WDR70: variants seen among roughly 807,000 people sequenced by gnomAD.
WDR70 encodes WD repeat-containing protein 70.
In WDR70, 53 loss-of-function variants were observed where a neutral mutation model predicts 88.6. That is an observed-to-expected ratio of 0.60 (90% confidence interval 0.48 to 0.75). The LOEUF (loss-of-function observed/expected upper bound fraction) is 0.75, where lower values mean the gene tolerates loss of function less well. Ranked by LOEUF, WDR70 falls within the 30% of genes least tolerant of loss-of-function variation. The probability of loss-of-function intolerance (pLI) is 0.00; values close to 1 mark genes in which losing one functional copy is unlikely to be tolerated. For synonymous variants in WDR70, 280 were observed against 270.0 expected, an observed-to-expected ratio of 1.04 and a Z score of -0.36; for missense variants, 610 against 823.2, an observed-to-expected ratio of 0.74 and a Z score of 3.17.
At chr5:37,556,347 G>C (rs1034083259) in intron 9 of WDR70, among the ~76,000 whole-genome samples, 1 of 151,982 alleles carries the variant, frequency 6.6e-6, no homozygotes, top group Admixed American at 6.6e-5. Flanking sequence ...AGACTAGCAA[G>C]TCCCTTAACT....
At chr5:37,647,020 CT>C (rs1745259326) in intron 10 of WDR70, among the ~76,000 whole-genome samples, 2 of 152,070 alleles carry the variant, frequency 1.3e-5, no homozygotes, top group South Asian at 4.1e-4. Flanking sequence ...CCTTTTGAGG[CT>C]GTTTTCTAGA....
intron 10 of WDR70, among the ~76,000 whole-genome samples, chr5:37,619,390 T>C (rs1744441113): frequency 6.6e-6 from 1 of 152,158 alleles, no homozygotes; most frequent in South Asian, 2.1e-4. Context: ...GACTATAGTC[T>C]CTAAAAAGCC....
Position 37,681,329 on chromosome 5 carries a change from C to T in WDR70, c.1093-16326C>T, listed in dbSNP as rs551877409. On this transcript the variant is annotated intron_variant, in intron 10 of 17. Transcript: ENST00000265107. ...TTTATTAGGTTAAGGAGCTTTTGGG[C>T]TGAGACTGTGAGGTTTTCTAGATAT... Among the ~76,000 whole-genome samples, 6 of 152,244 alleles carry T rather than the reference C, an allele frequency of 3.9e-5. No individual in the cohort carries two copies. In the South Asian group the frequency reaches 8.3e-4, roughly 21 times the overall value.
chr5:37,430,680 G>A (rs1750275365), intron 5 of WDR70, among the ~76,000 whole-genome samples: 1 of 151,484 alleles, frequency 6.6e-6, no homozygotes, highest in African/African-American at 2.4e-5. Flanking sequence ...CCCACCTCAG[G>A]CTCCCAAGTA....
intron 5 of WDR70, among the ~76,000 whole-genome samples, chr5:37,411,579 AT>A (rs1749527236): frequency 6.6e-6 from 1 of 152,182 alleles, no homozygotes; most frequent in Non-Finnish European, 1.5e-5. Flanking sequence ...TACAAAAATT[AT>A]CCGGGTGTGT....
intron 8 of WDR70, 56 bp downstream of exon 8, chr5:37,480,043 C>G: frequency 6.5e-7 from 1 of 1,546,280 alleles, no homozygotes; most frequent in East Asian, 2.3e-5. Context: ...TTATTAACAA[C>G]TATTTGAGTT....
intron 10 of WDR70, among the ~76,000 whole-genome samples, chr5:37,652,343 C>A (rs909160088): frequency 4.6e-5 from 7 of 152,196 alleles, no homozygotes; most frequent in Non-Finnish European, 8.8e-5. Flanking sequence ...TTACTGTAGT[C>A]TTGTAGTGTA....
At chr5:37,511,910 A>G (rs1450254630) in intron 8 of WDR70, among the ~76,000 whole-genome samples, 6 of 152,250 alleles carry the variant, frequency 3.9e-5, no homozygotes, top group African/African-American at 1.4e-4. Flanking sequence ...TTAGAATTCA[A>G]TATTTATTTA....
At chr5:37,589,919 A>G (rs1743482025) in intron 9 of WDR70, among the ~76,000 whole-genome samples, 1 of 152,148 alleles carries the variant, frequency 6.6e-6, no homozygotes, top group Admixed American at 6.5e-5. Context: ...GCTTGATTTA[A>G]TGAAATAAAA....
intron 9 of WDR70, among the ~76,000 whole-genome samples, chr5:37,590,747 G>A (rs1743509272): frequency 6.6e-6 from 1 of 151,994 alleles, no homozygotes; most frequent in African/African-American, 2.4e-5. Flanking sequence ...AGGCTACGAG[G>A]GATTCTACCC....
At chr5:37,630,527 C>T (rs952711439) in intron 10 of WDR70, among the ~76,000 whole-genome samples, 3 of 152,104 alleles carry the variant, frequency 2.0e-5, no homozygotes, top group Non-Finnish European at 4.4e-5. Flanking sequence ...TTGTAGGCCT[C>T]TCCCACCTGG....
intron 6 of WDR70, among the ~76,000 whole-genome samples, chr5:37,440,679 C>T (rs921343871): frequency 5.9e-5 from 9 of 152,118 alleles, no homozygotes; most frequent in African/African-American, 2.2e-4. Context: ...TAATTACCTC[C>T]TTCATATCGT....
intron 5 of WDR70, among the ~76,000 whole-genome samples, chr5:37,432,676 A>ATGAGCCACCGCGCCCGGCCTT (rs1372174789): frequency 6.6e-6 from 1 of 150,888 alleles, no homozygotes; most frequent in Non-Finnish European, 1.5e-5. Context: ...GATTACAGGC[A>ATGAGCCACCGCGCCCGGCCTT]TGAGCCACCG....
intron 10 of WDR70, among the ~76,000 whole-genome samples, chr5:37,636,918 A>C (rs1744982460): frequency 6.6e-6 from 1 of 152,200 alleles, no homozygotes; most frequent in African/African-American, 2.4e-5. Flanking sequence ...ATAGAATTCT[A>C]TCAGTGTTAC....
rs151233399 is a variant in WDR70 at position 37,587,240 on chromosome 5, C to G, written c.918-17824C>G. On this transcript the variant is annotated intron_variant, in intron 9 of 17. Coordinates refer to ENST00000265107, the MANE Select transcript of WDR70 (RefSeq NM_018034.4). Reference sequence around the variant, plus strand: ...TATAAAGCCTGTAATCTCAACACATCTCACAGGATACCCTTTACAATCTGG... The same window carrying G: ...TATAAAGCCTGTAATCTCAACACATGTCACAGGATACCCTTTACAATCTGG... Among the ~76,000 whole-genome samples, 690 of 152,174 alleles carry G rather than the reference C, an allele frequency of 4.5e-3. 2 individuals are homozygous for G. Among genetic ancestry groups the G allele is most frequent in the African/African-American group, 0.016 (659 of 41,526 alleles).
intron 8 of WDR70, among the ~76,000 whole-genome samples, chr5:37,511,440 CT>C (rs199857733): frequency 7.3e-4 from 106 of 144,872 alleles, no homozygotes; most frequent in Non-Finnish European, 7.6e-4. Flanking sequence ...GTAGTACTTT[CT>C]TTTTTTTTTT....
chr5:37,488,967 A>G (rs55872839), intron 8 of WDR70, among the ~76,000 whole-genome samples: 90,790 of 151,998 alleles, frequency 0.6, 28,469 homozygotes, highest in Non-Finnish European at 0.69. Flanking sequence ...TTTCCTGTAG[A>G]TGTATCTATG....
chr5:37,581,428 C>G (rs1014473790), intron 9 of WDR70, among the ~76,000 whole-genome samples: 5 of 152,096 alleles, frequency 3.3e-5, no homozygotes, highest in Admixed American at 6.6e-5. Flanking sequence ...TTCAATATCA[C>G]CAGTTAGGAG....
chr5:37,587,089 C>T (rs573762086), intron 9 of WDR70, among the ~76,000 whole-genome samples: 1 of 152,144 alleles, frequency 6.6e-6, no homozygotes, highest in Non-Finnish European at 1.5e-5. Context: ...TTCACTTGGA[C>T]TGTCCAACCT....
Sources: gnomAD v4.1 joint callset for allele counts (sites outside exome capture counted in the v4.1 genomes callset) on GRCh38, gnomAD v4.1.1 for gene constraint, MANE v1.5 for transcripts, NCBI Gene and HGNC (gene_info 2026-07-23, HGNC 2026-07-21) for gene names.